NBPF11: variants seen among roughly 807,000 people sequenced by gnomAD.
NBPF11 encodes NBPF member 11, also known as NBPF family member NBPF11.
NBPF11 carries 72 observed loss-of-function variants against 93.9 expected under a neutral mutation model. The observed-to-expected ratio is 0.77, with a 90% CI of 0.63 to 0.93. The LOEUF is 0.93. Among genes scored for constraint, NBPF11 ranks in the 40% least tolerant of loss-of-function variants. The probability of loss-of-function intolerance (pLI) is 0.00; values close to 1 mark genes in which losing one functional copy is unlikely to be tolerated. For missense variants in NBPF11, 705 were observed against 802.2 expected (o/e 0.88, Z 1.46); for synonymous variants, 224 against 304.9 (o/e 0.73, Z 2.76).
chr1:148,151,992 T>A lies in NBPF11; in HGVS notation c.-791A>T. The A allele has an allele frequency of 6.6e-6, 1 of 152,140 alleles. No individual in the cohort carries two copies. Among genetic ancestry groups the A allele is most frequent in the Admixed American group, 6.6e-5 (1 of 15,262 alleles). The allele number at this position is 152,140 out of a possible 1,614,324, so 9.4% of individuals were successfully genotyped here. On this transcript the variant is annotated 5_prime_UTR_variant, in exon 1 of 24. Coordinates refer to ENST00000682118, the MANE Select transcript of NBPF11 (RefSeq NM_001385469.3). ...GCCCGCTGGCTCCTCAGGGTCCGGA[T>A]GGGCCGTGTCAGGAGAGCCCAAGGC... is the stretch of plus-strand genomic sequence containing the variant.
intron 20 of NBPF11, among the ~76,000 whole-genome samples, chr1:148,106,534 C>T (rs1407835620): frequency 1.4e-5 from 2 of 138,114 alleles, no homozygotes; most frequent in Non-Finnish European, 3.1e-5. Flanking sequence ...CAGAGGATTT[C>T]TAGGAGGAAA....
At chr1:148,121,601 C>T (rs1457722061) in intron 9 of NBPF11, among the ~76,000 whole-genome samples, 2 of 151,648 alleles carry the variant, frequency 1.3e-5, no homozygotes, top group South Asian at 2.1e-4. Flanking sequence ...GTGATCCACC[C>T]GCCTCGGCCT....
rs1401025304 is a variant in NBPF11, at chr1:148,103,773, C to T, written c.*123G>A. 1.1e-4 allele frequency: 180 copies of T among 1,611,832 alleles called. No individual in the cohort carries two copies. In the East Asian group the frequency reaches 4.0e-3, roughly 36 times the overall value. On this transcript the variant is annotated 3_prime_UTR_variant, in exon 24 of 24. Transcript: ENST00000682118. ...TCAAGGGCAAAGCTGATGTGCTGTT[C>T]CTCAAATGAGTAAAACACACTTCTG...
chr1:148,146,310 C>A (rs1571498502), intron 1 of NBPF11: 1 of 1,364,400 alleles, frequency 7.3e-7, no homozygotes. Context: ...CGACTCGGAG[C>A]ACCCCACCCC....
intron 1 of NBPF11, chr1:148,146,379 C>T (rs1179319942): frequency 7.7e-6 from 12 of 1,568,540 alleles, no homozygotes; most frequent in Admixed American, 1.8e-5. Flanking sequence ...GAGGCCCGGC[C>T]CGGGCGGCGC....
rs1672482272 is a variant in NBPF11 at position 148,143,244 on chromosome 1, A to T, written c.-277+171T>A. 5.3e-5 allele frequency among the ~76,000 whole-genome samples: 8 copies of T among 152,134 alleles called. No homozygotes were observed. The South Asian group carries it at 1.7e-3, about 32-fold the overall frequency. ...TGGCACTGCAAGTCCAGGGCGGCACACGCTGTGAATATTTGTTCATTCATT... is the reference window on the plus strand; with the variant it reads ...TGGCACTGCAAGTCCAGGGCGGCACTCGCTGTGAATATTTGTTCATTCATT... On this transcript the variant is annotated intron_variant, in intron 2 of 23. Transcript: ENST00000682118.
At chr1:148,146,634 G>C (rs1408613213) in intron 1 of NBPF11, 32 of 1,611,312 alleles carry the variant, frequency 2.0e-5, no homozygotes, top group Admixed American at 3.3e-5. Context: ...AGTACAGCCA[G>C]CGCGAGCTGG....
In NBPF11 at chr1:148,106,276, C is replaced by T. The variant is rs1223474966; in HGVS notation, c.2252-44G>A. The T allele has an allele frequency of 3.7e-5, 23 of 622,214 alleles. 1 individual carries two copies. In the South Asian group the frequency reaches 4.1e-4, roughly 11 times the overall value. The allele number at this position is 622,214 out of a possible 1,614,324, so 38.5% of individuals were successfully genotyped here. A position where few individuals can be genotyped will look rare whatever the true frequency, so the allele number is the denominator to read the frequency against. On this transcript the variant is annotated intron_variant, in intron 20 of 23. Transcript: ENST00000682118. ...GGGACAGACAAAATAAGCCAATTCA[C>T]CTACACCCATAACAGTCCACTGTCT... is the stretch of plus-strand genomic sequence containing the variant.
rs1662724909 is a variant in NBPF11, at chr1:148,103,331, C to T, written c.*565G>A. On this transcript the variant is annotated 3_prime_UTR_variant, in exon 24 of 24. Transcript: ENST00000682118. ...AGCTAAACACAAAGATGACACTGAC[C>T]TTGAGCAGGTATAGAAGCTCAGAGA... The T allele has an allele frequency of 5.1e-6, 2 of 388,956 alleles. No homozygotes were observed. Among genetic ancestry groups the T allele is most frequent in the South Asian group, 4.6e-5 (2 of 43,160 alleles). 24.1% of individuals were successfully genotyped at this position (388,956 alleles called of 1,614,324 possible).
chr1:148,111,051 C>T (rs1266458315), intron 15 of NBPF11, among the ~76,000 whole-genome samples: 1 of 151,708 alleles, frequency 6.6e-6, no homozygotes, highest in African/African-American at 2.4e-5. Context: ...ATATATACAT[C>T]TCTCCCTGGA....
rs1228386023 is a variant in NBPF11, at chr1:148,152,145, C to T, written c.-944G>A. The T allele has an allele frequency of 2.0e-5, 3 of 152,260 alleles. No homozygotes were observed. Among genetic ancestry groups the T allele is most frequent in the South Asian group, 2.1e-4 (1 of 4,828 alleles). The allele number at this position is 152,260 out of a possible 1,614,324, so 9.4% of individuals were successfully genotyped here. ...GACGGGAAAATCCCTCTCTCCCCTCCGCCTCTCTTTCAAAGCACCAGCCCT... is the reference window on the plus strand; with the variant it reads ...GACGGGAAAATCCCTCTCTCCCCTCTGCCTCTCTTTCAAAGCACCAGCCCT... On this transcript the variant is annotated 5_prime_UTR_variant, in exon 1 of 24. Coordinates refer to ENST00000682118, the MANE Select transcript of NBPF11 (RefSeq NM_001385469.3).
At chr1:148,122,917 C>G (rs80185975) in intron 7 of NBPF11, 116 bp from the exon 8 acceptor site, 214,629 of 1,580,156 alleles carry the variant, frequency 0.14, 16,161 homozygotes, top group East Asian at 0.3. Flanking sequence ...GTACTGAAAA[C>G]TCTCATGTTT....
intron 9 of NBPF11, among the ~76,000 whole-genome samples, chr1:148,121,698 A>T (rs1310985806): frequency 6.6e-6 from 1 of 151,904 alleles, no homozygotes; most frequent in African/African-American, 2.4e-5. Flanking sequence ...AAGGAGAGAG[A>T]GTCTAGCCTG....
At chr1:148,125,999 A>G (rs1669020763) in intron 5 of NBPF11, among the ~76,000 whole-genome samples, 2 of 151,686 alleles carry the variant, frequency 1.3e-5, no homozygotes, top group Admixed American at 6.6e-5. Flanking sequence ...TGATTTATTT[A>G]TCTTTTTGTT....
intron 1 of NBPF11, among the ~76,000 whole-genome samples, chr1:148,148,169 T>C (rs1647237093): frequency 6.6e-6 from 1 of 152,132 alleles, no homozygotes; most frequent in Non-Finnish European, 1.5e-5. Flanking sequence ...GCAGCATCCT[T>C]TGGGGCATGG....
At chr1:148,149,326 C>G in intron 1 of NBPF11, 16 of 1,597,106 alleles carry the variant, frequency 1.0e-5, no homozygotes, top group Non-Finnish European at 1.4e-5. Flanking sequence ...CCTACTGCTT[C>G]GACGCCTTCC....
chr1:148,104,308 A>G (rs1417367257), intron 23 of NBPF11, among the ~76,000 whole-genome samples: 4 of 145,752 alleles, frequency 2.7e-5, no homozygotes, highest in Non-Finnish European at 4.5e-5. Flanking sequence ...TGCAGTGGCC[A>G]TGAGAGTACA....
At chr1:148,113,375 G>A (rs1471864638) in intron 15 of NBPF11, among the ~76,000 whole-genome samples, 2,065 of 151,726 alleles carry the variant, frequency 0.014, 57 homozygotes, top group African/African-American at 0.048. Context: ...GACAAAGAAG[G>A]CCACTACATA....
At position 148,103,680 on chromosome 1, in the gene NBPF11, A is replaced by T. The variant is rs1391389295; in HGVS notation, c.*216T>A. ...TTAGTAAGGGCTGCTTATTGTGGGA[A>T]TATGACTCCCATCTGGAAGACCAGG... is the stretch of plus-strand genomic sequence containing the variant. On this transcript the variant is annotated 3_prime_UTR_variant, in exon 24 of 24. Coordinates refer to ENST00000682118, the MANE Select transcript of NBPF11 (RefSeq NM_001385469.3). The T allele has an allele frequency of 1.2e-6, 2 of 1,611,120 alleles. No individual in the cohort carries two copies. The highest frequency in any genetic ancestry group is 1.7e-6 in the Non-Finnish European group (2 of 1,179,272).
Sources: gnomAD v4.1 joint callset for allele counts (sites outside exome capture counted in the v4.1 genomes callset) on GRCh38, gnomAD v4.1.1 for gene constraint, MANE v1.5 for transcripts, NCBI Gene and HGNC (gene_info 2026-07-23, HGNC 2026-07-21) for gene names.